PDE8B: variants seen among roughly 807,000 people sequenced by gnomAD.
PDE8B encodes the protein phosphodiesterase 8B, also known as high affinity cAMP-specific and IBMX-insensitive 3',5'-cyclic phosphodiesterase 8B.
A neutral mutation model predicts 101.3 loss-of-function variants in PDE8B; 26 were observed. The observed-to-expected ratio is 0.26, with a 90% CI of 0.19 to 0.36. The LOEUF is 0.36. Ranked by LOEUF, PDE8B falls within the 10% of genes least tolerant of loss-of-function variation. PDE8B has a pLI of 1.00. For missense variants in PDE8B, 810 were observed against 1,163.1 expected, an observed-to-expected ratio of 0.70 and a Z score of 4.42; for synonymous variants, 424 against 429.3, an observed-to-expected ratio of 0.99 and a Z score of 0.15.
At chr5:77,411,471 C>T (rs1794547740) in intron 14 of PDE8B, among the ~76,000 whole-genome samples, 1 of 152,176 alleles carries the variant, frequency 6.6e-6, no homozygotes, top group Non-Finnish European at 1.5e-5. Flanking sequence ...TCCCAGTTCT[C>T]CACGTTCTGG....
chr5:77,181,085 C>G, the PDE8B span, among the ~76,000 whole-genome samples: 9 of 145,866 alleles, frequency 6.2e-5, no homozygotes, highest in Non-Finnish European at 1.2e-4. Context: ...CTACCCCAAC[C>G]CCCACCCCCA....
chr5:77,313,996 G>T (rs1267096228), intron 2 of PDE8B, among the ~76,000 whole-genome samples: 1 of 152,108 alleles, frequency 6.6e-6, no homozygotes, highest in Non-Finnish European at 1.5e-5. Context: ...ATCTAAGGTT[G>T]TAAACATTTA....
chr5:77,338,052 T>C (rs974349558), intron 6 of PDE8B, among the ~76,000 whole-genome samples: 6 of 152,164 alleles, frequency 3.9e-5, no homozygotes, highest in Admixed American at 2.6e-4. Context: ...AGGAGGAGGC[T>C]CTTCTCCACC....
At chr5:77,096,856 G>A in the PDE8B span, among the ~76,000 whole-genome samples, 1 of 152,082 alleles carries the variant, frequency 6.6e-6, no homozygotes, top group African/African-American at 2.4e-5. Context: ...ACCCTAATGG[G>A]TGTCTTAACA....
chr5:77,310,199 C>T (rs899317627), intron 1 of PDE8B, among the ~76,000 whole-genome samples: 46 of 152,200 alleles, frequency 3.0e-4, no homozygotes, highest in African/African-American at 1.1e-3. Flanking sequence ...GATCTGCCCA[C>T]CTCGGCCTCC....
intron 1 of PDE8B, among the ~76,000 whole-genome samples, chr5:77,221,042 C>T (rs1257477377): frequency 6.6e-6 from 1 of 152,186 alleles, no homozygotes; most frequent in Non-Finnish European, 1.5e-5. Flanking sequence ...CACTTATTTT[C>T]TGTTTCATCT....
intron 12 of PDE8B, among the ~76,000 whole-genome samples, chr5:77,406,542 G>T (rs1793492747): frequency 6.6e-6 from 1 of 152,196 alleles, no homozygotes; most frequent in Non-Finnish European, 1.5e-5. Context: ...TCCAGTACGG[G>T]CACAGTGGAG....
the PDE8B span, chr5:77,119,580 C>G: frequency 6.6e-6 from 1 of 150,640 alleles, no homozygotes; most frequent in Admixed American, 6.6e-5. Flanking sequence ...TGGCATGAAC[C>G]CAGGAGGTGG....
chr5:77,367,514 C>T lies in PDE8B; in HGVS notation c.1167+14108C>T, dbSNP rs1243758702. ...ATACCAACTGGAAGCCTGGGGAGTTCCTTCTCTTTTTCTCTCTTTTTTTTT... is the reference window on the plus strand; with the variant it reads ...ATACCAACTGGAAGCCTGGGGAGTTTCTTCTCTTTTTCTCTCTTTTTTTTT... On this transcript the variant is annotated intron_variant, in intron 10 of 21. Transcript: ENST00000264917. Among the ~76,000 whole-genome samples the T allele has an allele frequency of 2.7e-5, 4 of 147,674 alleles. No homozygotes were observed. In the Admixed American group the frequency reaches 2.7e-4, roughly 10 times the overall value.
chr5:77,270,991 C>T (rs1400546783), intron 1 of PDE8B, among the ~76,000 whole-genome samples: 1 of 152,180 alleles, frequency 6.6e-6, no homozygotes, highest in African/African-American at 2.4e-5. Flanking sequence ...CTGGGGGTAA[C>T]CCCATTTATG....
At chr5:77,231,839 A>T (rs1471704942) in intron 1 of PDE8B, among the ~76,000 whole-genome samples, 1 of 152,230 alleles carries the variant, frequency 6.6e-6, no homozygotes, top group Non-Finnish European at 1.5e-5. Flanking sequence ...GGCACATGCT[A>T]TTGCCAGGAC....
intron 10 of PDE8B, among the ~76,000 whole-genome samples, chr5:77,395,936 G>T (rs1006195703): frequency 4.6e-5 from 7 of 152,098 alleles, no homozygotes; most frequent in Non-Finnish European, 1.0e-4. Flanking sequence ...TCTGACAGAG[G>T]CTTTTATCCA....
At chr5:77,373,907 T>C (rs1356320923) in intron 10 of PDE8B, among the ~76,000 whole-genome samples, 1 of 152,208 alleles carries the variant, frequency 6.6e-6, no homozygotes, top group East Asian at 1.9e-4. Context: ...TGGAGTGCAA[T>C]GGTGCCATCT....
the PDE8B span, among the ~76,000 whole-genome samples, chr5:77,093,587 C>A: frequency 6.6e-6 from 1 of 152,104 alleles, no homozygotes; most frequent in Non-Finnish European, 1.5e-5. Context: ...GTGAGCTGAC[C>A]CAGTTGAGAT....
At chr5:77,156,825 G>A in the PDE8B span, among the ~76,000 whole-genome samples, 1 of 152,274 alleles carries the variant, frequency 6.6e-6, no homozygotes, top group Admixed American at 6.5e-5. Context: ...AAGGGATGGG[G>A]TGTAGAAACC....
intron 5 of PDE8B, among the ~76,000 whole-genome samples, chr5:77,336,675 T>C (rs1055491842): frequency 6.6e-6 from 1 of 152,252 alleles, no homozygotes; most frequent in Non-Finnish European, 1.5e-5. Context: ...TGAATGATGC[T>C]GCTATGAACA....
chr5:77,176,856 G>T, the PDE8B span, among the ~76,000 whole-genome samples: 1 of 152,172 alleles, frequency 6.6e-6, no homozygotes, highest in East Asian at 1.9e-4. Context: ...CTCATGCTTG[G>T]AGTTGTCCAG....
the PDE8B span, among the ~76,000 whole-genome samples, chr5:77,190,164 A>T: frequency 6.6e-6 from 1 of 152,160 alleles, no homozygotes; most frequent in Non-Finnish European, 1.5e-5. Context: ...CCTGGTTGTT[A>T]TCAAGGGTGA....
At chr5:77,136,919 T>C in the PDE8B span, among the ~76,000 whole-genome samples, 6 of 152,334 alleles carry the variant, frequency 3.9e-5, no homozygotes, top group African/African-American at 1.4e-4. Context: ...TATATGTTTA[T>C]TAAATAGATT....
Sources: gnomAD v4.1 joint callset for allele counts (sites outside exome capture counted in the v4.1 genomes callset) on GRCh38, gnomAD v4.1.1 for gene constraint, MANE v1.5 for transcripts, NCBI Gene and HGNC (gene_info 2026-07-23, HGNC 2026-07-21) for gene names.